Variants in DYSF observed in about 807,000 individuals in gnomAD.
The protein encoded by DYSF is dysferlin, also known as dystrophy-associated fer-1-like 1.
A neutral mutation model predicts 274.9 loss-of-function variants in DYSF; 212 were observed. That is an observed-to-expected ratio of 0.77 (90% CI 0.69 to 0.86). The LOEUF is 0.86. Ranked by LOEUF, DYSF falls within the 40% of genes least tolerant of loss-of-function variation. The pLI is 0.00. For missense variants in DYSF, 2,666 were observed against 2,783.2 expected, an observed-to-expected ratio of 0.96 and a Z score of 0.95; for synonymous variants, 1,091 against 1,078.7, an observed-to-expected ratio of 1.01 and a Z score of -0.22.
chr2:71,509,581 T>A (rs1036637931), intron 4 of DYSF, among the ~76,000 whole-genome samples: 3 of 152,228 alleles, frequency 2.0e-5, no homozygotes, highest in African/African-American at 7.2e-5. Flanking sequence ...CATTTCGTGG[T>A]CAGGAAAAGC....
At chr2:71,499,810 G>T (rs2152709767) in intron 3 of DYSF, among the ~76,000 whole-genome samples, 1 of 152,334 alleles carries the variant, frequency 6.6e-6, no homozygotes, top group South Asian at 2.1e-4. Context: ...GAGGTCTGAG[G>T]AGGCTGGGAG....
chr2:71,685,851 G>A (rs2152975860), intron 55 of DYSF, among the ~76,000 whole-genome samples: 1 of 152,322 alleles, frequency 6.6e-6, no homozygotes, highest in East Asian at 1.9e-4. Context: ...GTTTTTGGGG[G>A]GAGAAGTGGG....
rs1280110219 is a variant in DYSF, at chr2:71,461,194, C to T, written c.88+7108C>T. Among the ~76,000 whole-genome samples the T allele has an allele frequency of 2.0e-5, 3 of 152,212 alleles. No individual in the cohort carries two copies. The East Asian group carries it at 5.8e-4, about 29-fold the overall frequency. On this transcript the variant is annotated intron_variant, in intron 1 of 54. Transcript: ENST00000258104. Reference sequence around the variant, plus strand: ...ACCAACTCCACAGTCTAGCTAGACACGAAACGGGTGATTACGCTAATAGTT... The same window carrying T: ...ACCAACTCCACAGTCTAGCTAGACATGAAACGGGTGATTACGCTAATAGTT...
intron 4 of DYSF, among the ~76,000 whole-genome samples, chr2:71,510,857 A>G (rs2086016725): frequency 6.6e-6 from 1 of 152,266 alleles, no homozygotes; most frequent in Admixed American, 6.5e-5. Flanking sequence ...AGATCTGTCT[A>G]CTATTTGTTT....
intron 1 of DYSF, among the ~76,000 whole-genome samples, chr2:71,479,500 C>T (rs2152677945): frequency 6.6e-6 from 1 of 152,268 alleles, no homozygotes; most frequent in Admixed American, 6.5e-5. Context: ...CTTGCCAGCC[C>T]AGTAAAGGAC....
intron 4 of DYSF, among the ~76,000 whole-genome samples, chr2:71,510,630 C>A (rs1022596982): frequency 6.6e-6 from 1 of 152,128 alleles, no homozygotes; most frequent in Non-Finnish European, 1.5e-5. Flanking sequence ...CTGAGTATGT[C>A]GGGAGCCTTC....
At chr2:71,537,735 T>G (rs2089528380) in intron 16 of DYSF, among the ~76,000 whole-genome samples, 1 of 151,936 alleles carries the variant, frequency 6.6e-6, no homozygotes, top group Admixed American at 6.6e-5. Context: ...CCTTGTAGGG[T>G]TAGGATTTCA....
intron 21 of DYSF, 82 bp from the exon 22 acceptor site, chr2:71,555,883 G>A (rs2091299437): frequency 1.8e-6 from 2 of 1,128,166 alleles, no homozygotes; most frequent in Non-Finnish European, 2.6e-6. Flanking sequence ...TTCAGTAGCA[G>A]TGACAAGGCC....
intron 36 of DYSF, among the ~76,000 whole-genome samples, chr2:71,608,571 C>T (rs537243520): frequency 2.6e-5 from 4 of 152,234 alleles, no homozygotes; most frequent in East Asian, 3.9e-4. Context: ...CCCGACGCTC[C>T]GCAGCTGTGT....
chr2:71,537,818 A>G (rs1289441345), intron 16 of DYSF, among the ~76,000 whole-genome samples: 2 of 152,142 alleles, frequency 1.3e-5, no homozygotes, highest in Non-Finnish European at 2.9e-5. Flanking sequence ...GAAGCTGCCC[A>G]TGGCTAAGGC....
At chr2:71,517,547 C>A (rs530936334) in intron 10 of DYSF, among the ~76,000 whole-genome samples, 2 of 152,014 alleles carry the variant, frequency 1.3e-5, no homozygotes, top group African/African-American at 4.8e-5. Flanking sequence ...ACCTGGTAAT[C>A]GGGGTGACCA....
Position 71,620,558 on chromosome 2 carries a change from T to G in DYSF, c.4476T>G (p.Gly1492=). ...TGTTTCATTTGTAGCTTGCAGACGG[T>G]CTGTCGAGCTTGGCCCCCACTAACA... ...EPLIPIQLAD[G]LSSLAPTNTA... Residue 1492 remains glycine, a synonymous_variant, in exon 41 of 56, where the codon GGT becomes GGG. Coordinates refer to ENST00000410020, the MANE Select transcript of DYSF (RefSeq NM_001130987.2). 3 of 1,551,702 alleles carry G rather than the reference T, an allele frequency of 1.9e-6. No homozygotes were observed. The highest frequency in any genetic ancestry group is 2.6e-6 in the Non-Finnish European group (3 of 1,146,990).
chr2:71,574,774 G>A (rs1225422308), intron 30 of DYSF, among the ~76,000 whole-genome samples: 1 of 152,210 alleles, frequency 6.6e-6, no homozygotes, highest in Non-Finnish European at 1.5e-5. Context: ...TCTTGAGGCA[G>A]AGACCATCTC....
chr2:71,516,962 G>C (rs2086720403), intron 9 of DYSF, 27 bp from the exon 10 acceptor site: 4 of 1,613,206 alleles, frequency 2.5e-6, no homozygotes, highest in Non-Finnish European at 2.5e-6. Flanking sequence ...CCCTGTGAAT[G>C]TGAGTTTCCA....
chr2:71,526,325 C>G lies in DYSF; in HGVS notation c.1255C>G (p.Arg419Gly). 4 of 1,416,250 alleles carry G rather than the reference C, an allele frequency of 2.8e-6. No individual in the cohort carries two copies. Among genetic ancestry groups the G allele is most frequent in the Non-Finnish European group, 3.8e-6 (4 of 1,056,354 alleles). The allele number at this position is 1,416,250 out of a possible 1,614,324, so 87.7% of individuals were successfully genotyped here. ...AGCCCACTTCTGCCTGAAGGTCTTC[C>G]GGGCCGAGGACTTGCCGCAGAGTGC... is the stretch of plus-strand genomic sequence containing the variant. The part of the protein sequence containing the change: ...RGAHFCLKVF[R>G]AEDLPQMDDA... Residue 419 changes from arginine to glycine, a missense_variant, in exon 13 of 56, where the codon CGG becomes GGG. Coordinates refer to ENST00000410020, the MANE Select transcript of DYSF (RefSeq NM_001130987.2).
At chr2:71,556,525 C>T (rs2091354649) in intron 22 of DYSF, among the ~76,000 whole-genome samples, 1 of 152,200 alleles carries the variant, frequency 6.6e-6, no homozygotes, top group African/African-American at 2.4e-5. Flanking sequence ...CAGAGGGGTG[C>T]ATCTCACATC....
intron 45 of DYSF, among the ~76,000 whole-genome samples, chr2:71,663,843 G>A (rs553658938): frequency 1.3e-5 from 2 of 151,512 alleles, no homozygotes; most frequent in South Asian, 2.1e-4. Flanking sequence ...ACCAGTCGTC[G>A]GTAAATTGGA....
rs190107606 is a variant in DYSF, at chr2:71,622,110, T to C, written c.4527+1501T>C. 2.7e-3 allele frequency among the ~76,000 whole-genome samples: 392 copies of C among 145,208 alleles called. 1 individual carries two copies. The highest frequency in any genetic ancestry group is 9.5e-3 in the African/African-American group (382 of 40,002). On this transcript the variant is annotated intron_variant, in intron 41 of 55. Transcript: ENST00000410020. ...CTTATTTTAGTTCACTTTATATATG[T>C]CCATTCAGATGATTTCTTTGTTTTT...
rs116084428 is a variant in DYSF at position 71,492,534 on chromosome 2, T to C, written c.239+10564T>C. Among the ~76,000 whole-genome samples, 577 of 152,338 alleles carry C rather than the reference T, an allele frequency of 3.8e-3. 5 individuals carry two copies. The highest frequency in any genetic ancestry group is 0.013 in the African/African-American group (545 of 41,566). On this transcript the variant is annotated intron_variant, in intron 3 of 55. Coordinates refer to ENST00000410020, the MANE Select transcript of DYSF (RefSeq NM_001130987.2). ...TTTCAAAGAAAGAATGAGAAATGGA[T>C]ACATGGTAACCCTTCTGGAACATTT...
Sources: allele counts gnomAD v4.1 joint callset (sites outside exome capture counted in the v4.1 genomes callset), GRCh38; gene constraint gnomAD v4.1.1; transcripts MANE v1.5; gene names NCBI Gene and HGNC (gene_info 2026-07-23, HGNC 2026-07-21).